SOBP: variants seen among roughly 807,000 people sequenced by gnomAD.
SOBP encodes the protein sine oculis-binding protein homolog.
In SOBP, 4 loss-of-function variants were observed where a neutral mutation model predicts 53.6. That is an observed-to-expected ratio of 0.07 (90% CI 0.04 to 0.17). SOBP has a LOEUF of 0.17. Ranked by LOEUF, SOBP falls within the 10% of genes least tolerant of loss-of-function variation. The pLI, the probability that SOBP is intolerant of heterozygous loss-of-function variation, is 1.00. For synonymous variants in SOBP, 584 were observed against 522.6 expected, an observed-to-expected ratio of 1.12 and a Z score of -1.60; for missense variants, 1,088 against 1,204.7, an observed-to-expected ratio of 0.90 and a Z score of 1.43.
At chr6:107,519,815 T>C (rs1783427310) in intron 3 of SOBP, among the ~76,000 whole-genome samples, 1 of 152,146 alleles carries the variant, frequency 6.6e-6, no homozygotes, top group Admixed American at 6.5e-5. Flanking sequence ...TTCTGCTCCC[T>C]AGGTTCATTT....
chr6:107,617,956 T>G (rs745907667), intron 5 of SOBP, among the ~76,000 whole-genome samples: 5 of 150,688 alleles, frequency 3.3e-5, no homozygotes, highest in Non-Finnish European at 5.9e-5. Context: ...GCCTCCCAAG[T>G]AGCTGGGACT....
At chr6:107,575,790 C>T (rs1256712648) in intron 4 of SOBP, among the ~76,000 whole-genome samples, 1 of 152,084 alleles carries the variant, frequency 6.6e-6, no homozygotes, top group African/African-American at 2.4e-5. Flanking sequence ...AATTGTCATC[C>T]AGAAATGAAC....
At chr6:107,603,610 G>A (rs1562094513) in intron 5 of SOBP, among the ~76,000 whole-genome samples, 2 of 152,176 alleles carry the variant, frequency 1.3e-5, no homozygotes, top group Non-Finnish European at 2.9e-5. Flanking sequence ...GCTTAAGTAC[G>A]ATGTAATGGA....
chr6:107,612,510 A>G (rs1037663144), intron 5 of SOBP, among the ~76,000 whole-genome samples: 16 of 152,160 alleles, frequency 1.1e-4, no homozygotes, highest in Admixed American at 2.0e-4. Context: ...ACGTGTTAGA[A>G]ATGCAGATTC....
intron 1 of SOBP, 121 bp from the exon 2 acceptor site, chr6:107,503,536 C>T: frequency 9.4e-7 from 1 of 1,059,984 alleles, no homozygotes; most frequent in Non-Finnish European, 1.4e-6. Context: ...GAACACCACA[C>T]TAGGGGAAGT....
intron 5 of SOBP, among the ~76,000 whole-genome samples, chr6:107,622,857 G>A (rs1251145753): frequency 1.3e-5 from 2 of 152,174 alleles, no homozygotes; most frequent in Admixed American, 6.5e-5. Context: ...ACATTAATTA[G>A]CAAAGAAGCA....
intron 4 of SOBP, among the ~76,000 whole-genome samples, chr6:107,535,659 GAAAT>G (rs1468684924): frequency 2.7e-5 from 4 of 149,308 alleles, no homozygotes; most frequent in Non-Finnish European, 4.4e-5. Flanking sequence ...TCCAAATAGA[GAAAT>G]AAACTAGTCT....
intron 5 of SOBP, among the ~76,000 whole-genome samples, chr6:107,595,306 A>G (rs928096055): frequency 1.4e-5 from 2 of 146,146 alleles, no homozygotes; most frequent in East Asian, 2.1e-4. Flanking sequence ...TGATACAAAC[A>G]TTCGAGTGTC....
At chr6:107,558,485 G>A (rs56933253) in intron 4 of SOBP, among the ~76,000 whole-genome samples, 11,672 of 151,780 alleles carry the variant, frequency 0.077, 612 homozygotes, top group East Asian at 0.16. Context: ...GGCCAGGCTG[G>A]TCTCGAACTC....
At position 107,502,065 on chromosome 6, in the gene SOBP, A is replaced by T. The variant is rs80013504; in HGVS notation, c.97-1592A>T. ...GCTTACGTGGGTACTAAAGCAAAAA[A>T]TCTAGCATCCTGTGGGTAGTTTGAA... On this transcript the variant is annotated intron_variant, in intron 1 of 6. Transcript: ENST00000317357. Among the ~76,000 whole-genome samples the T allele has an allele frequency of 4.1e-3, 619 of 152,268 alleles. 6 individuals are homozygous for T. Among genetic ancestry groups the T allele is most frequent in the African/African-American group, 0.014 (601 of 41,542 alleles).
intron 3 of SOBP, among the ~76,000 whole-genome samples, chr6:107,521,909 AACACACAC>A (rs34004579): frequency 0.019 from 2,701 of 139,324 alleles, 52 homozygotes; most frequent in African/African-American, 0.053. Flanking sequence ...CAGACATTAA[AACACACAC>A]ACACACACAC....
At chr6:107,643,131 C>T (rs1385888512) in intron 6 of SOBP, among the ~76,000 whole-genome samples, 1 of 152,202 alleles carries the variant, frequency 6.6e-6, no homozygotes, top group Admixed American at 6.5e-5. Flanking sequence ...TTTCATCCTT[C>T]AACTCTTGTT....
chr6:107,631,166 A>T (rs944902157), intron 5 of SOBP, among the ~76,000 whole-genome samples: 4 of 152,238 alleles, frequency 2.6e-5, no homozygotes, highest in African/African-American at 4.8e-5. Context: ...CTGGCAATTT[A>T]AAAACCAATT....
chr6:107,533,346 A>G, intron 3 of SOBP, 113 bp from the exon 4 acceptor site: 1 of 958,042 alleles, frequency 1.0e-6, no homozygotes, highest in South Asian at 1.4e-5. Flanking sequence ...CTTCTTCTCC[A>G]AGGTCCAGAA....
At chr6:107,604,014 T>C (rs923982154) in intron 5 of SOBP, among the ~76,000 whole-genome samples, 2 of 152,224 alleles carry the variant, frequency 1.3e-5, no homozygotes, top group African/African-American at 4.8e-5. Flanking sequence ...TGACCATATG[T>C]CCCAAGATTT....
chr6:107,578,039 G>A (rs1049226433), intron 4 of SOBP, among the ~76,000 whole-genome samples: 9 of 144,576 alleles, frequency 6.2e-5, no homozygotes, highest in South Asian at 4.3e-4. Context: ...GCGCCACTGC[G>A]CTCCAGCCTG....
chr6:107,578,095 A>G (rs1785291804), intron 4 of SOBP, among the ~76,000 whole-genome samples: 2 of 122,692 alleles, frequency 1.6e-5, no homozygotes, highest in Admixed American at 1.6e-4. Flanking sequence ...AAAAAAAAAA[A>G]GAAGAAGTTC....
intron 6 of SOBP, among the ~76,000 whole-genome samples, chr6:107,646,385 C>T (rs1208858428): frequency 2.0e-5 from 3 of 152,216 alleles, no homozygotes; most frequent in African/African-American, 7.2e-5. Context: ...TCCAGATGGC[C>T]ACAGAAACAG....
chr6:107,491,078 C>T (rs1782568661), intron 1 of SOBP, among the ~76,000 whole-genome samples: 1 of 152,122 alleles, frequency 6.6e-6, no homozygotes, highest in South Asian at 2.1e-4. Context: ...TCCTCAGGGT[C>T]CCTCCAAAGT....
Sources: gnomAD v4.1 joint callset for allele counts (sites outside exome capture counted in the v4.1 genomes callset) on GRCh38, gnomAD v4.1.1 for gene constraint, MANE v1.5 for transcripts, NCBI Gene and HGNC (gene_info 2026-07-23, HGNC 2026-07-21) for gene names.